The following GABRB1 variants were observed in gnomAD, a reference collection of about 807,000 sequenced individuals.
The protein encoded by GABRB1 is gamma-aminobutyric acid type A receptor subunit beta1.
GABRB1 carries 17 observed loss-of-function variants against 51.6 expected under a neutral mutation model. The observed-to-expected ratio is 0.33, with a 90% confidence interval of 0.23 to 0.49. The LOEUF is 0.49. Among genes scored for constraint, GABRB1 ranks in the 20% least tolerant of loss-of-function variants. The probability of loss-of-function intolerance (pLI) is 0.99; values close to 1 mark genes in which losing one functional copy is unlikely to be tolerated. For synonymous variants in GABRB1, 247 were observed against 218.9 expected, an observed-to-expected ratio of 1.13 and a Z score of -1.14; for missense variants, 410 against 600.6, an observed-to-expected ratio of 0.68 and a Z score of 3.32.
intron 3 of GABRB1, among the ~76,000 whole-genome samples, chr4:47,057,428 A>G (rs1190830230): frequency 6.6e-6 from 1 of 152,274 alleles, no homozygotes; most frequent in Non-Finnish European, 1.5e-5. Flanking sequence ...AAAGAATTAA[A>G]TATAAAAATG....
chr4:47,230,627 T>C (rs542443719), intron 4 of GABRB1, among the ~76,000 whole-genome samples: 3 of 152,292 alleles, frequency 2.0e-5, no homozygotes, highest in African/African-American at 7.2e-5. Context: ...ATGCCTAACA[T>C]TGAGCTTGCT....
At chr4:47,143,899 G>T (rs770172807) in intron 3 of GABRB1, among the ~76,000 whole-genome samples, 1 of 151,804 alleles carries the variant, frequency 6.6e-6, no homozygotes, top group African/African-American at 2.4e-5. Flanking sequence ...TGAGAATAGA[G>T]AAGTTTTCTG....
chr4:47,040,685 CT>C (rs1246610734), intron 3 of GABRB1, among the ~76,000 whole-genome samples: 1 of 152,138 alleles, frequency 6.6e-6, no homozygotes, highest in Non-Finnish European at 1.5e-5. Context: ...CATCAATGAA[CT>C]ATTTCTTCCA....
intron 1 of GABRB1, among the ~76,000 whole-genome samples, chr4:47,016,042 C>A (rs1245881313): frequency 6.6e-6 from 1 of 152,098 alleles, no homozygotes; most frequent in Non-Finnish European, 1.5e-5. Context: ...AAAAGCACTG[C>A]AGGTAGAGGA....
intron 5 of GABRB1, among the ~76,000 whole-genome samples, chr4:47,372,403 C>T (rs949684963): frequency 2.6e-5 from 4 of 152,132 alleles, no homozygotes; most frequent in African/African-American, 9.7e-5. Flanking sequence ...TCATCAGATG[C>T]AGAGAGCTTT....
At chr4:47,160,928 A>G (rs892961921) in intron 3 of GABRB1, among the ~76,000 whole-genome samples, 1 of 151,928 alleles carries the variant, frequency 6.6e-6, no homozygotes, top group African/African-American at 2.4e-5. Context: ...CTGGTATTAT[A>G]AGCATGTACC....
chr4:47,063,995 C>T (rs528677741), intron 3 of GABRB1, among the ~76,000 whole-genome samples: 3 of 152,228 alleles, frequency 2.0e-5, no homozygotes, highest in South Asian at 4.1e-4. Context: ...ACACGTTTGC[C>T]TATGTAACAA....
intron 3 of GABRB1, among the ~76,000 whole-genome samples, chr4:47,094,146 C>A (rs144974621): frequency 1.3e-5 from 2 of 151,006 alleles, no homozygotes; most frequent in Non-Finnish European, 2.9e-5. Context: ...TTGGAAAAAA[C>A]GGTAGGGAAC....
intron 3 of GABRB1, among the ~76,000 whole-genome samples, chr4:47,149,500 G>A (rs1717330942): frequency 6.6e-6 from 1 of 151,964 alleles, no homozygotes; most frequent in East Asian, 1.9e-4. Flanking sequence ...AATAAGCAAT[G>A]AGTCTTTAAA....
chr4:47,119,947 T>C (rs1715693982), intron 3 of GABRB1, among the ~76,000 whole-genome samples: 1 of 151,170 alleles, frequency 6.6e-6, no homozygotes, highest in Non-Finnish European at 1.5e-5. Context: ...AGAGGTTTAA[T>C]GTAACTAGTA....
chr4:47,378,384 C>T (rs1052855426), intron 5 of GABRB1, among the ~76,000 whole-genome samples: 3 of 152,194 alleles, frequency 2.0e-5, no homozygotes, highest in African/African-American at 7.2e-5. Flanking sequence ...ACCCGGAACT[C>T]GTGCTGGCCC....
intron 5 of GABRB1, among the ~76,000 whole-genome samples, chr4:47,346,588 A>G (rs902018638): frequency 1.3e-5 from 2 of 152,254 alleles, no homozygotes; most frequent in Non-Finnish European, 2.9e-5. Flanking sequence ...ATCTGATGCC[A>G]GAACAAGTCT....
At chr4:47,190,849 A>G (rs1342103453) in intron 4 of GABRB1, among the ~76,000 whole-genome samples, 1 of 152,168 alleles carries the variant, frequency 6.6e-6, no homozygotes, top group East Asian at 1.9e-4. Flanking sequence ...CAACCAGCAC[A>G]CTGAACTGTG....
intron 4 of GABRB1, among the ~76,000 whole-genome samples, chr4:47,304,854 A>G (rs765920600): frequency 1.4e-4 from 22 of 152,094 alleles, no homozygotes; most frequent in Non-Finnish European, 2.8e-4. Context: ...AATGACACTA[A>G]TCAAAATGAT....
intron 4 of GABRB1, among the ~76,000 whole-genome samples, chr4:47,298,859 C>G (rs1724124548): frequency 6.6e-6 from 1 of 151,874 alleles, no homozygotes; most frequent in African/African-American, 2.4e-5. Flanking sequence ...CTACAGTAAC[C>G]AAAACAGCAT....
At chr4:47,228,979 G>C (rs1308149400) in intron 4 of GABRB1, among the ~76,000 whole-genome samples, 2 of 152,140 alleles carry the variant, frequency 1.3e-5, no homozygotes, top group Admixed American at 6.5e-5. Flanking sequence ...ACCATGTAGA[G>C]AGTGTCTACT....
At chr4:47,251,760 CG>C (rs1560298489) in intron 4 of GABRB1, among the ~76,000 whole-genome samples, 1 of 152,052 alleles carries the variant, frequency 6.6e-6, no homozygotes, top group African/African-American at 2.4e-5. Flanking sequence ...TGCAGGTTGT[CG>C]GGGAAGTGGG....
intron 5 of GABRB1, among the ~76,000 whole-genome samples, chr4:47,351,344 CCAAATT>C (rs753742862): frequency 6.6e-6 from 1 of 152,136 alleles, no homozygotes; most frequent in African/African-American, 2.4e-5. Flanking sequence ...TCCAATCCAA[CCAAATT>C]AAAAGCCAAG....
intron 4 of GABRB1, among the ~76,000 whole-genome samples, chr4:47,197,334 A>G (rs1186072489): frequency 1.3e-5 from 2 of 152,044 alleles, no homozygotes; most frequent in Non-Finnish European, 2.9e-5. Flanking sequence ...ACCCCTTTTT[A>G]TTAACTATGT....
Sources: allele counts gnomAD v4.1 joint callset (sites outside exome capture counted in the v4.1 genomes callset), GRCh38; gene constraint gnomAD v4.1.1; transcripts MANE v1.5; gene names NCBI Gene and HGNC (gene_info 2026-07-23, HGNC 2026-07-21).